Variants in CD109 observed in about 807,000 individuals in gnomAD.
CD109 encodes CD109 molecule, also known as CD109 antigen.
Under a neutral mutation model 165.8 loss-of-function variants are expected in CD109, and 149 were observed. The ratio of observed to expected loss-of-function variants is 0.90; its 90% CI spans 0.79 to 1.03. The LOEUF is 1.03. Among genes scored for constraint, CD109 ranks in the 50% least tolerant of loss-of-function variants. The pLI is 0.00. For missense variants in CD109, 1,712 were observed against 1,677.8 expected (o/e 1.02, Z -0.36); for synonymous variants, 585 against 592.1 (o/e 0.99, Z 0.18).
At chr6:73,743,915 A>G (rs1394082060) in intron 5 of CD109, among the ~76,000 whole-genome samples, 1 of 152,230 alleles carries the variant, frequency 6.6e-6, no homozygotes, top group Admixed American at 6.5e-5. Flanking sequence ...GTTTTAGAAT[A>G]TTGATTTCTT....
chr6:73,788,407 T>A lies in CD109; in HGVS notation c.2557-61T>A. The A allele has an allele frequency of 2.0e-6, 3 of 1,499,132 alleles. No homozygotes were observed. In the South Asian group the frequency reaches 3.8e-5, roughly 19 times the overall value. The allele number at this position is 1,499,132 out of a possible 1,614,324, so 92.9% of individuals were successfully genotyped here. A position where few individuals can be genotyped will look rare whatever the true frequency, so the allele number is the denominator to read the frequency against. On this transcript the variant is annotated intron_variant, in intron 21 of 32. Transcript: ENST00000287097. ...TCAGATGTTTGTGCTCATATCTGCG[T>A]ATAGTTCTCTGTAAACATGTGAGTA... is the stretch of plus-strand genomic sequence containing the variant.
chr6:73,807,049 C>G lies in CD109; in HGVS notation c.3166C>G (p.Leu1056Val). Residue 1056 changes from leucine (L) to valine (V), a missense_variant, in exon 25 of 33, where the codon CTC becomes GTC. Coordinates refer to ENST00000287097, the MANE Select transcript of CD109 (RefSeq NM_133493.5). ...VTLTAYIVTS[L>V]LGYRKYQPNI... The stretch of plus-strand genomic sequence containing the variant: ...ACTTACAGCCTATATTGTAACTTCT[C>G]TCCTGGGATATAGAAAGTATCAGGT... 1 of 1,612,208 alleles carries G rather than the reference C, an allele frequency of 6.2e-7. No individual in the cohort carries two copies. The highest frequency in any genetic ancestry group is 8.5e-7 in the Non-Finnish European group (1 of 1,178,424).
At chr6:73,758,643 C>T (rs189954820) in intron 6 of CD109, among the ~76,000 whole-genome samples, 4 of 152,178 alleles carry the variant, frequency 2.6e-5, no homozygotes, top group East Asian at 1.9e-4. Context: ...CTCTGCCTCC[C>T]GAGTTCTAGA....
chr6:73,820,445 T>G lies in CD109; in HGVS notation c.4060-16T>G. The G allele has an allele frequency of 6.7e-7, 1 of 1,483,590 alleles. No individual in the cohort carries two copies. The highest frequency in any genetic ancestry group is 9.4e-7 in the Non-Finnish European group (1 of 1,065,888). The allele number at this position is 1,483,590 out of a possible 1,614,324, so 91.9% of individuals were successfully genotyped here. A position where few individuals can be genotyped will look rare whatever the true frequency, so the allele number is the denominator to read the frequency against. On this transcript the variant is annotated splice_polypyrimidine_tract_variant and intron_variant, in intron 31 of 32. Transcript: ENST00000287097. ...ACAGTGTGCCAACCCCTTAAGACTC[T>G]TTTGTATTTCTCAAGGTAAATGAAA...
intron 25 of CD109, 21 bp from the exon 26 acceptor site, chr6:73,808,062 A>C (rs1371965468): frequency 6.2e-7 from 1 of 1,608,970 alleles, no homozygotes; most frequent in Non-Finnish European, 8.5e-7. Context: ...ATAGTAAAAA[A>C]CATACTTTTT....
At chr6:73,730,855 A>G (rs1375288186) in intron 4 of CD109, among the ~76,000 whole-genome samples, 3 of 152,184 alleles carry the variant, frequency 2.0e-5, no homozygotes, top group Non-Finnish European at 4.4e-5. Flanking sequence ...GCACAGCGAT[A>G]GGGCAGTGAA....
chr6:73,720,537 G>A (rs1237539233), intron 2 of CD109, among the ~76,000 whole-genome samples: 1 of 152,020 alleles, frequency 6.6e-6, no homozygotes, highest in East Asian at 1.9e-4. Context: ...GTGAGGTAAG[G>A]CACATGTTAA....
At position 73,774,785 on chromosome 6, in the gene CD109, C is replaced by T. The variant is rs73460327; in HGVS notation, c.1827+3204C>T. ...AGCTGCCTTCTGCCTTAGACTGAAG[C>T]GATGCACTTTCTCCCAAGACCAATT... On this transcript the variant is annotated intron_variant, in intron 15 of 32. Coordinates refer to ENST00000287097, the MANE Select transcript of CD109 (RefSeq NM_133493.5). Among the ~76,000 whole-genome samples, 951 of 152,236 alleles carry T rather than the reference C, an allele frequency of 6.2e-3. 15 individuals carry two copies. The highest frequency in any genetic ancestry group is 0.021 in the African/African-American group (881 of 41,540).
intron 2 of CD109, among the ~76,000 whole-genome samples, chr6:73,700,880 C>A (rs1771049524): frequency 7.4e-6 from 1 of 134,868 alleles, no homozygotes; most frequent in Non-Finnish European, 1.5e-5. Flanking sequence ...CGGCTCACTG[C>A]AACCTCTGCC....
At position 73,711,161 on chromosome 6, in the gene CD109, G is replaced by T. The variant is rs370172665; in HGVS notation, c.248-12090G>T. Among the ~76,000 whole-genome samples the T allele has an allele frequency of 2.0e-4, 31 of 152,064 alleles. No individual in the cohort carries two copies. In the East Asian group the frequency reaches 3.5e-3, roughly 17 times the overall value. On this transcript the variant is annotated intron_variant, in intron 2 of 32. Coordinates refer to ENST00000287097, the MANE Select transcript of CD109 (RefSeq NM_133493.5). The stretch of plus-strand genomic sequence containing the variant: ...AGCCAAGAACCTTGCTTGACTCTGG[G>T]TTTTTCATTTGTACTTAACCTAACA...
chr6:73,752,266 T>G (rs1426402543), intron 5 of CD109, among the ~76,000 whole-genome samples: 2 of 152,210 alleles, frequency 1.3e-5, no homozygotes, highest in Non-Finnish European at 2.9e-5. Context: ...TATGCTATAT[T>G]TCTTCAAATC....
chr6:73,739,447 GA>G (rs1772674267), intron 5 of CD109, among the ~76,000 whole-genome samples: 1 of 152,038 alleles, frequency 6.6e-6, no homozygotes, highest in Non-Finnish European at 1.5e-5. Context: ...TAACATAGAG[GA>G]AATGTATTTA....
chr6:73,691,765 G>C (rs1770696216), upstream of CD109, among the ~76,000 whole-genome samples: 1 of 152,124 alleles, frequency 6.6e-6, no homozygotes, highest in South Asian at 2.1e-4. Flanking sequence ...ATTGCTTAGG[G>C]TCTGTCTCAC....
chr6:73,736,636 C>G, intron 5 of CD109, 128 bp downstream of exon 5: 1 of 749,418 alleles, frequency 1.3e-6, no homozygotes, highest in Non-Finnish European at 2.0e-6. Context: ...ACAATTTAAA[C>G]GGTTTATTTT....
chr6:73,807,716 A>G (rs1051048930), intron 25 of CD109, among the ~76,000 whole-genome samples: 1 of 152,126 alleles, frequency 6.6e-6, no homozygotes, highest in African/African-American at 2.4e-5. Flanking sequence ...TAGAAGCTAA[A>G]CTTTTCCTGA....
At chr6:73,724,472 A>G (rs1391341615) in intron 3 of CD109, among the ~76,000 whole-genome samples, 1 of 152,188 alleles carries the variant, frequency 6.6e-6, no homozygotes, top group East Asian at 1.9e-4. Flanking sequence ...ACAGTATAGT[A>G]AACCACAGCA....
intron 2 of CD109, among the ~76,000 whole-genome samples, chr6:73,705,641 A>G (rs1217418487): frequency 2.0e-5 from 3 of 152,040 alleles, no homozygotes; most frequent in Non-Finnish European, 4.4e-5. Flanking sequence ...AAGAAAAGAA[A>G]AGAAAAGAAA....
chr6:73,812,611 C>T (rs1235623181), intron 29 of CD109, among the ~76,000 whole-genome samples: 7 of 151,958 alleles, frequency 4.6e-5, no homozygotes, highest in Non-Finnish European at 1.0e-4. Flanking sequence ...TAGAAGTCAA[C>T]ATGGTAGAAT....
the CD109 span, among the ~76,000 whole-genome samples, chr6:73,681,909 TC>T: frequency 5.3e-5 from 8 of 151,974 alleles, no homozygotes; most frequent in African/African-American, 1.7e-4. Context: ...GGCTGGAAAT[TC>T]CGATTTTAAA....
Sources: allele counts gnomAD v4.1 joint callset (sites outside exome capture counted in the v4.1 genomes callset), GRCh38; gene constraint gnomAD v4.1.1; transcripts MANE v1.5; gene names NCBI Gene and HGNC (gene_info 2026-07-23, HGNC 2026-07-21).